CFAP77: variants seen among roughly 807,000 people sequenced by gnomAD.
CFAP77 encodes cilia- and flagella-associated protein 77.
A neutral mutation model predicts 31.1 loss-of-function variants in CFAP77; 25 were observed. The ratio of observed to expected loss-of-function variants is 0.80; its 90% CI spans 0.59 to 1.12. The LOEUF (loss-of-function observed/expected upper bound fraction) is 1.12. Among genes scored for constraint, CFAP77 ranks in the 50% most tolerant of loss-of-function variants. CFAP77 has a pLI of 0.00. For synonymous variants in CFAP77, 151 were observed against 159.9 expected (o/e 0.94, Z 0.42); for missense variants, 377 against 397.3 (o/e 0.95, Z 0.44).
intron 3 of CFAP77, among the ~76,000 whole-genome samples, chr9:132,516,655 C>T (rs977044471): frequency 2.0e-5 from 3 of 151,672 alleles, no homozygotes; most frequent in Non-Finnish European, 2.9e-5. Context: ...ATCTGAATGA[C>T]GTTGTTGGAC....
chr9:132,499,730 C>A lies in CFAP77; in HGVS notation c.524+130C>A, dbSNP rs1851811615. On this transcript the variant is annotated intron_variant, in intron 3 of 5. Coordinates refer to ENST00000393216, the MANE Select transcript of CFAP77 (RefSeq NM_001282957.2). This position sits in a 1 kb window ranked among gnomAD's most constrained non-coding sequence, Gnocchi z 5.4. ...CCCCACTGTCCTCTCTTCAATGACT[C>A]TCTCTTGTGTGACCTCTATAGCCAC... is the stretch of plus-strand genomic sequence containing the variant. 1 of 816,404 alleles carries A rather than the reference C, an allele frequency of 1.2e-6. No individual in the cohort carries two copies. 50.6% of individuals were successfully genotyped at this position (816,404 alleles called of 1,614,324 possible). A position where few individuals can be genotyped will look rare whatever the true frequency, so the allele number is the denominator to read the frequency against.
At chr9:132,558,318 TAA>T (rs1448025538) in intron 5 of CFAP77, among the ~76,000 whole-genome samples, 2 of 151,910 alleles carry the variant, frequency 1.3e-5, no homozygotes, top group Non-Finnish European at 2.9e-5. Context: ...ATCAAGAAAA[TAA>T]AAAGACAACC....
intron 3 of CFAP77, among the ~76,000 whole-genome samples, chr9:132,523,231 G>A (rs1160592723): frequency 6.6e-6 from 1 of 152,032 alleles, no homozygotes; most frequent in Non-Finnish European, 1.5e-5. Context: ...GGGATTACAG[G>A]CACCTGCCAC....
intron 5 of CFAP77, among the ~76,000 whole-genome samples, chr9:132,571,272 G>A (rs771285615): frequency 3.3e-5 from 5 of 152,000 alleles, no homozygotes; most frequent in Non-Finnish European, 5.9e-5. Flanking sequence ...CCTGGCCGCC[G>A]CATCCCCTCA....
intron 3 of CFAP77, among the ~76,000 whole-genome samples, chr9:132,505,457 A>G (rs1851916420): frequency 6.6e-6 from 1 of 152,026 alleles, no homozygotes; most frequent in African/African-American, 2.4e-5. Context: ...CAGGAAGTGG[A>G]GACCTGAGGA....
At position 132,410,339 on chromosome 9, in the gene CFAP77, G is replaced by A. The variant is rs372053390; in HGVS notation, c.68G>A (p.Arg23His). The part of the protein sequence containing the change: ...RWRKQQQPVR[R>H]TVSQVCPPPR... ...AGGAAGCAGCAGCAGCCTGTGCGCCGCACGGTCAGCCAGGTCTGCCCGCCC... is the reference window on the plus strand; with the variant it reads ...AGGAAGCAGCAGCAGCCTGTGCGCCACACGGTCAGCCAGGTCTGCCCGCCC... Residue 23 changes from arginine to histidine, a missense_variant, in exon 1 of 6, where the codon CGC becomes CAC. Transcript: ENST00000393216. The A allele has an allele frequency of 1.3e-6, 2 of 1,597,234 alleles. No individual in the cohort carries two copies. Among genetic ancestry groups the A allele is most frequent in the Non-Finnish European group, 1.7e-6 (2 of 1,173,184 alleles).
chr9:132,513,323 T>C, intron 3 of CFAP77: 1 of 1,548,488 alleles, frequency 6.5e-7, no homozygotes, highest in Non-Finnish European at 8.7e-7. Flanking sequence ...ACCCACTACC[T>C]GGATTTAGCA....
At chr9:132,507,620 A>G (rs560619658) in intron 3 of CFAP77, among the ~76,000 whole-genome samples, 1 of 152,194 alleles carries the variant, frequency 6.6e-6, no homozygotes, top group African/African-American at 2.4e-5. Flanking sequence ...ATATTTTACA[A>G]ATTTACAGTG....
chr9:132,459,265 G>T (rs1850989626), intron 1 of CFAP77, among the ~76,000 whole-genome samples: 1 of 152,152 alleles, frequency 6.6e-6, no homozygotes, highest in African/African-American at 2.4e-5. Context: ...TAGAGACGGG[G>T]TTTCACCGTG....
At chr9:132,411,860 T>TAC (rs3079550) in intron 1 of CFAP77, among the ~76,000 whole-genome samples, 85 of 149,666 alleles carry the variant, frequency 5.7e-4, no homozygotes, top group African/African-American at 1.6e-3. Context: ...GAGCAATATG[T>TAC]ACACACACAC....
chr9:132,440,851 G>A (rs945945738), intron 1 of CFAP77, among the ~76,000 whole-genome samples: 2 of 152,184 alleles, frequency 1.3e-5, no homozygotes, highest in African/African-American at 4.8e-5. Flanking sequence ...GCTGCAAGCT[G>A]TGCAGGCTGC....
intron 3 of CFAP77, among the ~76,000 whole-genome samples, chr9:132,505,605 T>C (rs1444243574): frequency 6.6e-6 from 1 of 151,298 alleles, no homozygotes; most frequent in Non-Finnish European, 1.5e-5. Flanking sequence ...AAAAAAAAGG[T>C]TGAGTTGCCA....
At chr9:132,484,871 T>TG (rs1359621321) in intron 1 of CFAP77, among the ~76,000 whole-genome samples, 2 of 151,224 alleles carry the variant, frequency 1.3e-5, no homozygotes, top group African/African-American at 4.9e-5. Context: ...TTTTTTTAGA[T>TG]GGAGTCTTGC....
At chr9:132,479,319 C>A (rs1444188490) in intron 1 of CFAP77, among the ~76,000 whole-genome samples, 1 of 152,146 alleles carries the variant, frequency 6.6e-6, no homozygotes, top group Admixed American at 6.6e-5. Context: ...GAGCTCAGAC[C>A]TTTTCCCCCA....
chr9:132,572,540 C>G lies in CFAP77; in HGVS notation c.*30C>G. 6.5e-7 allele frequency: 1 copy of G among 1,544,594 alleles called. No homozygotes were observed. Among genetic ancestry groups the G allele is most frequent in the Non-Finnish European group, 8.8e-7 (1 of 1,139,632 alleles). Reference sequence around the variant, plus strand: ...TCCCTCCCCTGCCACAAGAAGCCATCTTGACATAGTGGAAAATTCCCAGAA... The same window carrying G: ...TCCCTCCCCTGCCACAAGAAGCCATGTTGACATAGTGGAAAATTCCCAGAA... On this transcript the variant is annotated 3_prime_UTR_variant, in exon 6 of 6. Coordinates refer to ENST00000393216, the MANE Select transcript of CFAP77 (RefSeq NM_001282957.2).
rs138636276 is a variant in CFAP77 at position 132,436,349 on chromosome 9, G to A, written c.195+25883G>A. Among the ~76,000 whole-genome samples, 482 of 152,174 alleles carry A rather than the reference G, an allele frequency of 3.2e-3. 2 individuals carry two copies. The highest frequency in any genetic ancestry group is 6.0e-3 in the Admixed American group (92 of 15,278). ...ATTCTCTCTTACGAGGGCACTTTTC[G>A]TTGAATTTAGGATCCTCAAGGATCA... is the stretch of plus-strand genomic sequence containing the variant. On this transcript the variant is annotated intron_variant, in intron 1 of 5. Coordinates refer to ENST00000393216, the MANE Select transcript of CFAP77 (RefSeq NM_001282957.2).
intron 5 of CFAP77, among the ~76,000 whole-genome samples, chr9:132,560,627 G>A (rs997502557): frequency 1.3e-5 from 2 of 152,130 alleles, no homozygotes; most frequent in Admixed American, 1.3e-4. Context: ...GGTAAGTCCC[G>A]CAGCCCTGCA....
intron 1 of CFAP77, among the ~76,000 whole-genome samples, chr9:132,486,232 A>G (rs1035364552): frequency 3.4e-5 from 5 of 148,406 alleles, no homozygotes; most frequent in African/African-American, 1.0e-4. Flanking sequence ...AGCTGGGACT[A>G]TAGGCACCCG....
intron 1 of CFAP77, among the ~76,000 whole-genome samples, chr9:132,448,754 T>G (rs1850770386): frequency 6.6e-6 from 1 of 152,058 alleles, no homozygotes; most frequent in African/African-American, 2.4e-5. Context: ...ATCCAGCTAA[T>G]TTTTGTATTT....
Sources: gnomAD v4.1 joint callset for allele counts (sites outside exome capture counted in the v4.1 genomes callset) on GRCh38, gnomAD v4.1.1 for gene constraint, Gnocchi (gnomAD v3.1) non-coding constraint, MANE v1.5 for transcripts, NCBI Gene and HGNC (gene_info 2026-07-23, HGNC 2026-07-21) for gene names.